Variants in PLA2G6 observed in about 807,000 individuals in gnomAD.
The protein encoded by PLA2G6 is phospholipase A2 group VI, also known as 85/88 kDa calcium-independent phospholipase A2.
In PLA2G6, 62 loss-of-function variants were observed where a neutral mutation model predicts 83.8. The observed-to-expected ratio is 0.74, with a 90% CI of 0.60 to 0.91. The LOEUF (loss-of-function observed/expected upper bound fraction) is 0.91, where lower values mean the gene tolerates loss of function less well. Ranked by LOEUF, PLA2G6 falls within the 40% of genes least tolerant of loss-of-function variation. The probability of loss-of-function intolerance (pLI) is 0.00; values close to 1 mark genes in which losing one functional copy is unlikely to be tolerated. For synonymous variants in PLA2G6, 417 were observed against 449.8 expected, an observed-to-expected ratio of 0.93 and a Z score of 0.92; for missense variants, 944 against 1,102.0, an observed-to-expected ratio of 0.86 and a Z score of 2.03.
intron 11 of PLA2G6, among the ~76,000 whole-genome samples, chr22:38,122,563 C>G (rs2087585638): frequency 1.3e-5 from 2 of 152,204 alleles, no homozygotes; most frequent in Admixed American, 1.3e-4. Flanking sequence ...GGACTGTGCT[C>G]CAGCCCAGCG....
intron 2 of PLA2G6, among the ~76,000 whole-genome samples, chr22:38,156,373 C>T (rs866118692): frequency 6.6e-6 from 1 of 152,192 alleles, no homozygotes; most frequent in African/African-American, 2.4e-5. Flanking sequence ...GCAGAATACA[C>T]ATTCTTCTCC....
chr22:38,128,676 G>A lies in PLA2G6; in HGVS notation c.1187-246C>T, dbSNP rs149160888. ...GGAGGAGGTCAGTGTCACCCTGCCC[G>A]ATGCCTGTGGGAACCCCTTCTTTCC... On this transcript the variant is annotated intron_variant, in intron 8 of 16. Coordinates refer to ENST00000332509, the MANE Select transcript of PLA2G6 (RefSeq NM_003560.4). This position sits in a 1 kb window ranked among gnomAD's most constrained non-coding sequence, Gnocchi z 4.4. Among the ~76,000 whole-genome samples, 110 of 152,286 alleles carry A rather than the reference G, an allele frequency of 7.2e-4. 1 individual carries two copies. Among genetic ancestry groups the A allele is most frequent in the African/African-American group, 2.4e-3 (100 of 41,572 alleles).
At chr22:38,146,142 TCTC>T (rs563368860) in intron 2 of PLA2G6, 1 of 197,924 alleles carries the variant, frequency 5.1e-6, no homozygotes, top group Admixed American at 5.3e-5. Context: ...TTCAAGCAAT[TCTC>T]CTACCTCAGT....
chr22:38,160,789 A>G (rs572572883), intron 2 of PLA2G6, among the ~76,000 whole-genome samples: 16 of 152,248 alleles, frequency 1.1e-4, no homozygotes, highest in African/African-American at 3.6e-4. Context: ...AGCTTGCAGT[A>G]AGCAGAGATT....
rs2087480307 is a variant in PLA2G6 at position 38,120,804 on chromosome 22, C to T, written c.1697G>A (p.Arg566Gln). Residue 566 changes from arginine to glutamine, a missense_variant, in exon 12 of 17, where the codon CGG (arginine) becomes CAG (glutamine). By Grantham distance (43) the Arg-to-Gln change is conservative (BLOSUM62 1). Transcript: ENST00000332509. The stretch of plus-strand genomic sequence containing the variant: ...CATCTTGGTGTGCTCCCCAAACTCC[C>T]GCTTCAGGAACTCCTCCAGGGGCCC... The part of the protein sequence containing the change: ...ESGPLEEFLK[R>Q]EFGEHTKMTD... 7 of 1,613,894 alleles carry T rather than the reference C, an allele frequency of 4.3e-6. No individual in the cohort carries two copies. Among genetic ancestry groups the T allele is most frequent in the Middle Eastern group, 1.6e-4 (1 of 6,062 alleles).
At chr22:38,115,406 T>G in intron 14 of PLA2G6, 121 bp downstream of exon 14, 1 of 838,868 alleles carries the variant, frequency 1.2e-6, no homozygotes, top group South Asian at 1.4e-5. Flanking sequence ...TGTGCACATA[T>G]GAATGAGTGC....
intron 12 of PLA2G6, among the ~76,000 whole-genome samples, chr22:38,116,753 A>C (rs1447851646): frequency 1.3e-5 from 2 of 150,586 alleles, no homozygotes; most frequent in African/African-American, 4.9e-5. Flanking sequence ...TGGGAGGCTG[A>C]AGCAAGAGAA....
In PLA2G6 at chr22:38,132,578, G is replaced by A. The variant is rs1224695240; in HGVS notation, c.1077+253C>T. On this transcript the variant is annotated intron_variant, in intron 7 of 16. Coordinates refer to ENST00000332509, the MANE Select transcript of PLA2G6 (RefSeq NM_003560.4). The surrounding 1 kb of genome is among the most constrained non-coding windows in gnomAD (Gnocchi z 5.0). Reference sequence around the variant, plus strand: ...CTGTCATTTTTCCCTCTCGTGCCATGCAAGTGCCAAATGGGGGCACAGGTG... The same window carrying A: ...CTGTCATTTTTCCCTCTCGTGCCATACAAGTGCCAAATGGGGGCACAGGTG... The A allele has an allele frequency of 8.7e-6, 5 of 572,522 alleles. No individual in the cohort carries two copies. In the East Asian group the frequency reaches 1.4e-4, roughly 17 times the overall value. 35.5% of individuals were successfully genotyped at this position (572,522 alleles called of 1,614,324 possible).
intron 4 of PLA2G6, chr22:38,140,782 G>C (rs1300641881): frequency 6.4e-6 from 1 of 155,998 alleles, no homozygotes; most frequent in African/African-American, 2.4e-5. Context: ...CAGGCGCAGT[G>C]GCTCATGCTT....
chr22:38,139,955 G>A (rs373496726), intron 5 of PLA2G6, 27 bp downstream of exon 5: 6 of 1,530,528 alleles, frequency 3.9e-6, no homozygotes, highest in Admixed American at 3.9e-5. Context: ...CAGCAGGCCA[G>A]CAGATGGGGA....
intron 2 of PLA2G6, 38 bp downstream of exon 2, chr22:38,169,180 G>GA: frequency 6.6e-7 from 1 of 1,507,158 alleles, no homozygotes; most frequent in Non-Finnish European, 9.2e-7. Flanking sequence ...GTGGGGGAGT[G>GA]AAAGGAGAGA....
intron 2 of PLA2G6, among the ~76,000 whole-genome samples, chr22:38,166,178 T>A (rs1460985875): frequency 6.6e-6 from 1 of 152,214 alleles, no homozygotes; most frequent in South Asian, 2.1e-4. Context: ...GCTGTGGCCA[T>A]GTGACCGGGT....
chr22:38,127,156 C>T, intron 9 of PLA2G6: 1 of 1,155,626 alleles, frequency 8.7e-7, no homozygotes, highest in Admixed American at 3.7e-5. Flanking sequence ...TGACAGCCCC[C>T]CACCACTGTG....
intron 2 of PLA2G6, among the ~76,000 whole-genome samples, chr22:38,154,570 T>C (rs943967082): frequency 2.2e-4 from 34 of 152,256 alleles, no homozygotes; most frequent in African/African-American, 8.2e-4. Context: ...CTAATGCAGA[T>C]ATGGCTGCAG....
Position 38,139,990 on chromosome 22 carries a change from A to G in PLA2G6, c.789T>C (p.Ser263=). 2 of 1,594,832 alleles carry G rather than the reference A, an allele frequency of 1.3e-6. No homozygotes were observed. The highest frequency in any genetic ancestry group is 1.7e-6 in the Non-Finnish European group (2 of 1,169,460). ...GYPIHSAMKF[S]QKGCAEMIIS... Reference sequence around the variant, plus strand: ...AGGGGAGGAGGTCTTACCCCTTCTGAGAGAACTTCATGGCCGAGTGGATGG... The same window carrying G: ...AGGGGAGGAGGTCTTACCCCTTCTGGGAGAACTTCATGGCCGAGTGGATGG... Residue 263 remains serine (S), a synonymous_variant, in exon 5 of 17, where the codon TCT becomes TCC. Coordinates refer to ENST00000332509, the MANE Select transcript of PLA2G6 (RefSeq NM_003560.4).
At chr22:38,126,508 C>T (rs1302697790) in intron 9 of PLA2G6, 59 bp from the exon 10 acceptor site, 3 of 1,315,252 alleles carry the variant, frequency 2.3e-6, no homozygotes, top group Admixed American at 1.7e-5. Flanking sequence ...CCTGCTACCC[C>T]AGAGGTCCCT....
intron 13 of PLA2G6, 119 bp downstream of exon 13, chr22:38,115,956 C>A: frequency 6.8e-7 from 1 of 1,479,610 alleles, no homozygotes; most frequent in Non-Finnish European, 9.3e-7. Flanking sequence ...AAGACCAGTG[C>A]AGCGGGTGGG....
intron 2 of PLA2G6, among the ~76,000 whole-genome samples, chr22:38,152,325 C>T (rs546703373): frequency 6.6e-6 from 1 of 152,126 alleles, no homozygotes; most frequent in East Asian, 1.9e-4. Flanking sequence ...CTCAGCCTCC[C>T]GAGTAGCTAG....
intron 2 of PLA2G6, among the ~76,000 whole-genome samples, chr22:38,151,423 T>C (rs564932212): frequency 5.2e-4 from 79 of 152,200 alleles, no homozygotes; most frequent in Non-Finnish European, 5.0e-4. Flanking sequence ...GTATTTTCAG[T>C]AGAGACAGGG....
Sources: allele counts gnomAD v4.1 joint callset (sites outside exome capture counted in the v4.1 genomes callset), GRCh38; gene constraint gnomAD v4.1.1; non-coding constraint Gnocchi (gnomAD v3.1); transcripts MANE v1.5; gene names NCBI Gene and HGNC (gene_info 2026-07-23, HGNC 2026-07-21).